PRKCE: variants seen among roughly 807,000 people sequenced by gnomAD.
PRKCE encodes protein kinase C epsilon.
PRKCE carries 16 observed loss-of-function variants against 85.4 expected under a neutral mutation model. The ratio of observed to expected loss-of-function variants is 0.19; its 90% CI spans 0.13 to 0.28. The LOEUF is 0.28. Ranked by LOEUF, PRKCE falls within the 10% of genes least tolerant of loss-of-function variation. PRKCE has a pLI of 1.00. For missense variants in PRKCE, 573 were observed against 975.2 expected (o/e 0.59, Z 5.49); for synonymous variants, 388 against 371.5 (o/e 1.04, Z -0.51).
At chr2:46,097,924 C>A (rs72877774) in intron 11 of PRKCE, among the ~76,000 whole-genome samples, 2,592 of 152,248 alleles carry the variant, frequency 0.017, 80 homozygotes, top group African/African-American at 0.06. Context: ...GAGAGGAGAG[C>A]CTGAGCTGGC....
chr2:46,064,024 G>T (rs962430172), intron 10 of PRKCE, among the ~76,000 whole-genome samples: 11 of 152,136 alleles, frequency 7.2e-5, no homozygotes, highest in Admixed American at 1.3e-4. Context: ...GCTCACACCT[G>T]TAATCCCAGC....
chr2:46,059,819 AAACAAC>A (rs375770528), intron 10 of PRKCE, among the ~76,000 whole-genome samples: 371 of 152,236 alleles, frequency 2.4e-3, no homozygotes, highest in African/African-American at 8.8e-3. Context: ...TGTCTCTTTA[AAACAAC>A]AACAACAACA....
At chr2:46,151,326 C>CACACACACACACACA in intron 13 of PRKCE, 97 bp downstream of exon 13, 1 of 1,159,778 alleles carries the variant, frequency 8.6e-7, no homozygotes. Flanking sequence ...CACACACACT[C>CACACACACACACACA]CCTTCTCCCT....
intron 10 of PRKCE, among the ~76,000 whole-genome samples, chr2:46,035,814 A>G (rs1707823961): frequency 6.6e-6 from 1 of 152,218 alleles, no homozygotes; most frequent in African/African-American, 2.4e-5. Flanking sequence ...TTTATCTTAT[A>G]CCTGCTACAT....
At chr2:46,090,753 GCT>G (rs1670090668) in intron 11 of PRKCE, among the ~76,000 whole-genome samples, 1 of 152,090 alleles carries the variant, frequency 6.6e-6, no homozygotes, top group African/African-American at 2.4e-5. Flanking sequence ...GCTGCAAAAG[GCT>G]CTGTGGGGAG....
chr2:45,708,103 C>T lies in PRKCE; in HGVS notation c.348+55655C>T, dbSNP rs185296154. ...GAGCTCCTGATCTACTACCAAAGTC[C>T]GCCTCTGTCACTCCTCCCTACGCAT... On this transcript the variant is annotated intron_variant, in intron 1 of 14. Coordinates refer to ENST00000306156, the MANE Select transcript of PRKCE (RefSeq NM_005400.3). Among the ~76,000 whole-genome samples, 15 of 152,266 alleles carry T rather than the reference C, an allele frequency of 9.9e-5. No individual in the cohort carries two copies. The East Asian group carries it at 1.5e-3, about 16-fold the overall frequency.
chr2:45,778,538 G>A (rs573180459), intron 1 of PRKCE, among the ~76,000 whole-genome samples: 4 of 152,154 alleles, frequency 2.6e-5, no homozygotes, highest in Admixed American at 1.3e-4. Flanking sequence ...CTTTCACTCA[G>A]CGTCCCTACC....
At chr2:45,862,979 G>T (rs1693290281) in intron 2 of PRKCE, among the ~76,000 whole-genome samples, 1 of 152,146 alleles carries the variant, frequency 6.6e-6, no homozygotes, top group African/African-American at 2.4e-5. Context: ...CTACTCCCTG[G>T]TGTCTCCACC....
At chr2:45,776,883 G>T (rs887592513) in intron 1 of PRKCE, among the ~76,000 whole-genome samples, 2 of 152,150 alleles carry the variant, frequency 1.3e-5, no homozygotes, top group South Asian at 4.1e-4. Flanking sequence ...TCTTCCTTCT[G>T]ATCTGTGTAT....
chr2:45,964,248 T>C (rs1009100656), intron 2 of PRKCE, among the ~76,000 whole-genome samples: 1 of 152,220 alleles, frequency 6.6e-6, no homozygotes, highest in African/African-American at 2.4e-5. Context: ...CTAAGACTTT[T>C]AATCCTGCTG....
intron 2 of PRKCE, among the ~76,000 whole-genome samples, chr2:45,961,278 A>G (rs1701358050): frequency 6.6e-6 from 1 of 152,220 alleles, no homozygotes; most frequent in Non-Finnish European, 1.5e-5. Flanking sequence ...TCTCAGAGTT[A>G]AAAACATTTT....
chr2:45,730,767 C>T (rs990652068), intron 1 of PRKCE, among the ~76,000 whole-genome samples: 2 of 152,130 alleles, frequency 1.3e-5, no homozygotes, highest in Non-Finnish European at 2.9e-5. Flanking sequence ...GCAAGCACAA[C>T]ATTTTTAATT....
chr2:46,053,676 A>G (rs1708996364), intron 10 of PRKCE, among the ~76,000 whole-genome samples: 1 of 152,174 alleles, frequency 6.6e-6, no homozygotes, highest in Non-Finnish European at 1.5e-5. Flanking sequence ...GGCATGTGTC[A>G]TAATTTCCTT....
intron 10 of PRKCE, among the ~76,000 whole-genome samples, chr2:46,033,874 AG>A (rs770981632): frequency 4.6e-5 from 7 of 152,172 alleles, no homozygotes; most frequent in Non-Finnish European, 1.0e-4. Flanking sequence ...GATGACTCAG[AG>A]GGGAAAGAGC....
In PRKCE at chr2:45,915,465, TC is replaced by T. The variant is rs148795583; in HGVS notation, c.413-60961del. On this transcript the variant is annotated intron_variant, in intron 2 of 14. Coordinates refer to ENST00000306156, the MANE Select transcript of PRKCE (RefSeq NM_005400.3). ...TGTTTTGTATGAGTATTTTAGAATT[TC>T]CCAAAGCTCCAGTGAACCCTAAAGA... is the stretch of plus-strand genomic sequence containing the variant. 2.0e-5 allele frequency among the ~76,000 whole-genome samples: 3 copies of T among 152,300 alleles called. No homozygotes were observed. The East Asian group carries it at 5.8e-4, about 29-fold the overall frequency.
At chr2:46,059,815 T>C (rs545814664) in intron 10 of PRKCE, among the ~76,000 whole-genome samples, 1 of 152,320 alleles carries the variant, frequency 6.6e-6, no homozygotes, top group Non-Finnish European at 1.5e-5. Flanking sequence ...CCCCTGTCTC[T>C]TTAAAACAAC....
chr2:46,079,747 T>A (rs1184477654), intron 10 of PRKCE, among the ~76,000 whole-genome samples: 1 of 152,210 alleles, frequency 6.6e-6, no homozygotes, highest in African/African-American at 2.4e-5. Flanking sequence ...TAACTGCTGC[T>A]AAGGAGAAGC....
At chr2:45,843,672 T>C (rs1691547265) in intron 2 of PRKCE, among the ~76,000 whole-genome samples, 1 of 152,216 alleles carries the variant, frequency 6.6e-6, no homozygotes, top group South Asian at 2.1e-4. Context: ...AAGGGTTTGC[T>C]GGGTGTTGAG....
intron 1 of PRKCE, among the ~76,000 whole-genome samples, chr2:45,673,002 G>T (rs1676250172): frequency 6.6e-6 from 1 of 152,146 alleles, no homozygotes. Context: ...ACTCCAGCCT[G>T]GGCAGCAGAG....
Sources: allele counts gnomAD v4.1 joint callset (sites outside exome capture counted in the v4.1 genomes callset), GRCh38; gene constraint gnomAD v4.1.1; transcripts MANE v1.5; gene names NCBI Gene and HGNC (gene_info 2026-07-23, HGNC 2026-07-21).